AGMO: variants seen among roughly 807,000 people sequenced by gnomAD.
AGMO encodes the protein alkylglycerol monooxygenase.
In AGMO, 75 loss-of-function variants were observed where a neutral mutation model predicts 60.2. The ratio of observed to expected loss-of-function variants is 1.25; its 90% CI spans 1.03 to 1.51. AGMO has a LOEUF of 1.51. Ranked by LOEUF, AGMO falls within the 40% of genes most tolerant of loss-of-function variation. The probability of loss-of-function intolerance (pLI) is 0.00; values close to 1 mark genes in which losing one functional copy is unlikely to be tolerated. For synonymous variants in AGMO, 261 were observed against 177.1 expected (o/e 1.47, Z -3.76); for missense variants, 763 against 525.5 (o/e 1.45, Z -4.42).
chr7:15,304,451 C>T (rs950535336), intron 12 of AGMO, among the ~76,000 whole-genome samples: 1 of 152,002 alleles, frequency 6.6e-6, no homozygotes, highest in Non-Finnish European at 1.5e-5. Context: ...ATAAAGAAAA[C>T]TGAAAATTTT....
intron 3 of AGMO, among the ~76,000 whole-genome samples, chr7:15,493,199 A>G (rs1234541623): frequency 6.6e-6 from 1 of 151,862 alleles, no homozygotes; most frequent in African/African-American, 2.4e-5. Context: ...AGGTACAAGG[A>G]ACTCCCATAT....
intron 6 of AGMO, among the ~76,000 whole-genome samples, chr7:15,391,660 C>G (rs182155764): frequency 6.6e-6 from 1 of 152,076 alleles, no homozygotes; most frequent in Non-Finnish European, 1.5e-5. Context: ...TTTGAATGCA[C>G]AAATACAAAG....
At chr7:15,222,557 A>G (rs1210699757) in intron 12 of AGMO, among the ~76,000 whole-genome samples, 1 of 152,064 alleles carries the variant, frequency 6.6e-6, no homozygotes, top group East Asian at 1.9e-4. Context: ...GTTATTAGCA[A>G]CCATACCTGT....
At chr7:15,372,824 A>G (rs999130349) in intron 10 of AGMO, among the ~76,000 whole-genome samples, 4 of 152,334 alleles carry the variant, frequency 2.6e-5, no homozygotes, top group Middle Eastern at 3.4e-3. Flanking sequence ...TCTCTGTCCT[A>G]AAGTGCTAAA....
chr7:15,128,263 T>G, the AGMO span, among the ~76,000 whole-genome samples: 1 of 151,928 alleles, frequency 6.6e-6, no homozygotes. Context: ...GCAGCAGCTG[T>G]GGTTATATCT....
intron 10 of AGMO, among the ~76,000 whole-genome samples, chr7:15,370,473 T>TAAA (rs1583468428): frequency 6.6e-6 from 1 of 152,214 alleles, no homozygotes; most frequent in East Asian, 1.9e-4. Flanking sequence ...TCCAAACTGC[T>TAAA]TTCCACAGTG....
chr7:15,195,239 G>T, the AGMO span, among the ~76,000 whole-genome samples: 2 of 152,136 alleles, frequency 1.3e-5, no homozygotes, highest in African/African-American at 4.8e-5. Context: ...TCATGCCAGG[G>T]AAATTAAGGA....
the AGMO span, among the ~76,000 whole-genome samples, chr7:15,164,178 G>A: frequency 6.6e-6 from 1 of 152,030 alleles, no homozygotes; most frequent in Admixed American, 6.6e-5. Context: ...ATGGTGCTGG[G>A]AAAATGGGAT....
chr7:15,218,669 A>G (rs1781821783), intron 12 of AGMO, among the ~76,000 whole-genome samples: 1 of 152,158 alleles, frequency 6.6e-6, no homozygotes, highest in African/African-American at 2.4e-5. Flanking sequence ...TAATTTAAAA[A>G]AAGAGTTCAA....
intron 12 of AGMO, among the ~76,000 whole-genome samples, chr7:15,227,818 G>A (rs1471336188): frequency 6.6e-6 from 1 of 152,048 alleles, no homozygotes; most frequent in African/African-American, 2.4e-5. Flanking sequence ...TTCTAATAAA[G>A]TTAATGACTT....
chr7:15,135,459 C>T, the AGMO span, among the ~76,000 whole-genome samples: 1 of 152,030 alleles, frequency 6.6e-6, no homozygotes, highest in Admixed American at 6.6e-5. Flanking sequence ...TATATTTTGA[C>T]TTTATGAGTT....
chr7:15,553,968 A>C (rs1785054600), intron 2 of AGMO, among the ~76,000 whole-genome samples: 1 of 152,124 alleles, frequency 6.6e-6, no homozygotes. Flanking sequence ...AAGCTGTGGG[A>C]GTTATATTCC....
chr7:15,161,418 C>A, the AGMO span, among the ~76,000 whole-genome samples: 4,775 of 151,512 alleles, frequency 0.032, 119 homozygotes, highest in African/African-American at 0.068. Context: ...CTCTCTCTCT[C>A]TCTATATATA....
At chr7:15,493,146 T>C (rs1285356572) in intron 3 of AGMO, among the ~76,000 whole-genome samples, 1 of 152,134 alleles carries the variant, frequency 6.6e-6, no homozygotes, top group Non-Finnish European at 1.5e-5. Flanking sequence ...ATCAGTGCTT[T>C]ATTTTTATTG....
At chr7:15,378,847 T>C (rs1379177417) in intron 10 of AGMO, among the ~76,000 whole-genome samples, 1 of 151,278 alleles carries the variant, frequency 6.6e-6, no homozygotes, top group Non-Finnish European at 1.5e-5. Context: ...TAATCTAAAA[T>C]CAATCACAAA....
At chr7:15,180,123 T>G in the AGMO span, among the ~76,000 whole-genome samples, 52 of 152,318 alleles carry the variant, frequency 3.4e-4, no homozygotes, top group African/African-American at 1.0e-3. Flanking sequence ...CCCCCTTCTA[T>G]CCACAGTAAT....
chr7:15,554,042 G>T (rs1420725869), intron 2 of AGMO, among the ~76,000 whole-genome samples: 1 of 152,090 alleles, frequency 6.6e-6, no homozygotes, highest in Non-Finnish European at 1.5e-5. Flanking sequence ...AATAGCCATG[G>T]AGTGCCCACA....
Position 15,272,443 on chromosome 7 carries a change from T to A in AGMO, c.1264-71084A>T, listed in dbSNP as rs143079016. Among the ~76,000 whole-genome samples, 1,393 of 152,084 alleles carry A rather than the reference T, an allele frequency of 9.2e-3. 19 individuals are homozygous for A. Among genetic ancestry groups the A allele is most frequent in the African/African-American group, 0.032 (1,331 of 41,476 alleles). ...TAGTTTCCAGCTTCATCCATGTCCCTACAAAGGACATGAACTCATCATTTT... is the reference window on the plus strand; with the variant it reads ...TAGTTTCCAGCTTCATCCATGTCCCAACAAAGGACATGAACTCATCATTTT... On this transcript the variant is annotated intron_variant, in intron 12 of 12. Transcript: ENST00000342526.
intron 5 of AGMO, chr7:15,396,366 G>C (rs1262964739): frequency 6.6e-6 from 1 of 152,208 alleles, no homozygotes; most frequent in Non-Finnish European, 1.5e-5. Flanking sequence ...GATCTTCACA[G>C]TGAGTGTTAC....
Sources: gnomAD v4.1 joint callset for allele counts (sites outside exome capture counted in the v4.1 genomes callset) on GRCh38, gnomAD v4.1.1 for gene constraint, MANE v1.5 for transcripts, NCBI Gene and HGNC (gene_info 2026-07-23, HGNC 2026-07-21) for gene names.